ANXA13: variants seen among roughly 807,000 people sequenced by gnomAD.
ANXA13 encodes annexin A13.
A neutral mutation model predicts 46.6 loss-of-function variants in ANXA13; 36 were observed. The ratio of observed to expected loss-of-function variants is 0.77; its 90% CI spans 0.59 to 1.02. ANXA13 has a LOEUF of 1.02. ANXA13 is among the 50% of genes least tolerant of loss of function. The probability of loss-of-function intolerance (pLI) is 0.00; values close to 1 mark genes in which losing one functional copy is unlikely to be tolerated. For missense variants in ANXA13, 417 were observed against 396.5 expected (o/e 1.05, Z -0.44); for synonymous variants, 163 against 152.9 (o/e 1.07, Z -0.49).
chr8:123,704,101 G>T (rs926014470), intron 2 of ANXA13, among the ~76,000 whole-genome samples: 10 of 152,132 alleles, frequency 6.6e-5, no homozygotes, highest in African/African-American at 2.4e-4. Flanking sequence ...GTCCGCGGTG[G>T]TCCTAAGCAC....
Position 123,693,311 on chromosome 8 carries a change from A to C in ANXA13, c.541-13T>G, listed in dbSNP as rs754016591. The C allele has an allele frequency of 7.4e-6, 12 of 1,611,444 alleles. No individual in the cohort carries two copies. The African/African-American group carries it at 1.5e-4, about 20-fold the overall frequency. ...GGCCTTCCCCTGCCTCAAGGGTCAAATACAAACACTTTGAAAAAGGCTTTT... is the reference window on the plus strand; with the variant it reads ...GGCCTTCCCCTGCCTCAAGGGTCAACTACAAACACTTTGAAAAAGGCTTTT... On this transcript the variant is annotated splice_polypyrimidine_tract_variant and intron_variant, in intron 7 of 10. Coordinates refer to ENST00000419625, the MANE Select transcript of ANXA13 (RefSeq NM_004306.4).
At chr8:123,720,702 TAAG>T (rs1813850005) in intron 1 of ANXA13, among the ~76,000 whole-genome samples, 1 of 111,034 alleles carries the variant, frequency 9.0e-6, no homozygotes, top group Admixed American at 1.0e-4. Flanking sequence ...GTGTGTGAGT[TAAG>T]AACATTTAAC....
intron 10 of ANXA13, among the ~76,000 whole-genome samples, chr8:123,684,050 C>T (rs1003699406): frequency 1.3e-5 from 2 of 152,128 alleles, no homozygotes; most frequent in Non-Finnish European, 1.5e-5. Context: ...GGTATATAAA[C>T]AGATTTGTAG....
At chr8:123,719,324 T>G (rs2129915189) in intron 1 of ANXA13, among the ~76,000 whole-genome samples, 1 of 152,348 alleles carries the variant, frequency 6.6e-6, no homozygotes, top group Middle Eastern at 3.4e-3. Flanking sequence ...TCTTTCTCTT[T>G]CTCTTTTTCT....
intron 9 of ANXA13, among the ~76,000 whole-genome samples, chr8:123,686,450 A>G (rs1295375662): frequency 1.3e-5 from 2 of 148,922 alleles, no homozygotes; most frequent in African/African-American, 5.0e-5. Context: ...ACAGAGTGAA[A>G]CTGTGTCTTA....
chr8:123,684,549 A>T, intron 10 of ANXA13, 61 bp downstream of exon 10: 1 of 1,122,462 alleles, frequency 8.9e-7, no homozygotes, highest in East Asian at 2.3e-5. Flanking sequence ...TTTGTTGATG[A>T]CATCAGTGGT....
chr8:123,731,489 A>G (rs1393666975), intron 1 of ANXA13, among the ~76,000 whole-genome samples: 1 of 152,226 alleles, frequency 6.6e-6, no homozygotes, highest in Admixed American at 6.5e-5. Flanking sequence ...TGCTGCAGGC[A>G]TTGTGTTGGT....
At chr8:123,694,008 G>C (rs7840250) in intron 6 of ANXA13, among the ~76,000 whole-genome samples, 2,435 of 149,544 alleles carry the variant, frequency 0.016, 66 homozygotes, top group African/African-American at 0.056. Context: ...TTTTTTTGTA[G>C]AAACCAGAGT....
intron 6 of ANXA13, 76 bp downstream of exon 6, chr8:123,695,426 C>G (rs889990821): frequency 1.8e-6 from 2 of 1,131,338 alleles, no homozygotes; most frequent in Non-Finnish European, 1.3e-6. Context: ...CTACGTTACC[C>G]TTTTTCATCA....
chr8:123,706,042 G>A (rs532963894), intron 2 of ANXA13, among the ~76,000 whole-genome samples: 2 of 152,242 alleles, frequency 1.3e-5, no homozygotes, highest in South Asian at 4.2e-4. Context: ...CTACAGCTCT[G>A]GGAACATTTA....
In ANXA13 at chr8:123,720,657, C is replaced by T. The variant is rs1036386355; in HGVS notation, c.16-7904G>A. Among the ~76,000 whole-genome samples the T allele has an allele frequency of 3.5e-5, 5 of 141,436 alleles. No homozygotes were observed. The East Asian group carries it at 1.0e-3, about 30-fold the overall frequency. The allele number at this position is 141,436 out of a possible 152,430, so 92.8% of individuals were successfully genotyped here. ...CAGCTATGAACGTTTCCTGTGTCCC[C>T]GTGTGTGTGTGTGTGTGTGTGTGTG... On this transcript the variant is annotated intron_variant, in intron 1 of 10. Transcript: ENST00000419625.
rs972270318 is a variant in ANXA13 at position 123,693,756 on chromosome 8, G to A, written c.495C>T (p.Asp165=). ...LLQANRNEGD[D]VDKDLAGQDA... ...CCTGACCAGCTAGATCTTTGTCCAC[G>A]TCATCTCCTTCATTGCGATTAGCCT... Residue 165 remains aspartate (D), a synonymous_variant, in exon 7 of 11, where the codon GAC becomes GAT. Coordinates refer to ENST00000419625, the MANE Select transcript of ANXA13 (RefSeq NM_004306.4). The A allele has an allele frequency of 8.1e-6, 13 of 1,613,886 alleles. No homozygotes were observed. The highest frequency in any genetic ancestry group is 2.7e-5 in the African/African-American group (2 of 74,924).
chr8:123,681,744 C>A (rs1813044080), intron 10 of ANXA13, among the ~76,000 whole-genome samples: 1 of 151,816 alleles, frequency 6.6e-6, no homozygotes, highest in Non-Finnish European at 1.5e-5. Context: ...CTGCCTCAGC[C>A]CCCCAAGTAG....
chr8:123,721,500 G>A (rs1267644148), intron 1 of ANXA13, among the ~76,000 whole-genome samples: 5 of 152,210 alleles, frequency 3.3e-5, no homozygotes, highest in Non-Finnish European at 7.3e-5. Flanking sequence ...AACACGTGGT[G>A]AGTGCTGAGT....
At chr8:123,726,045 T>C (rs576014285) in intron 1 of ANXA13, among the ~76,000 whole-genome samples, 1 of 152,350 alleles carries the variant, frequency 6.6e-6, no homozygotes, top group African/African-American at 2.4e-5. Context: ...GAAATATTTG[T>C]ATCATTTAAC....
At chr8:123,728,892 A>T (rs760077157) in intron 1 of ANXA13, among the ~76,000 whole-genome samples, 1 of 152,028 alleles carries the variant, frequency 6.6e-6, no homozygotes, top group African/African-American at 2.4e-5. Context: ...TTTCATTCCT[A>T]CTACAACCAT....
chr8:123,695,382 G>A (rs1813310489), intron 6 of ANXA13, 120 bp downstream of exon 6: 3 of 769,108 alleles, frequency 3.9e-6, no homozygotes, highest in South Asian at 1.7e-5. Flanking sequence ...ATAATCCCTT[G>A]ATAATATTTT....
intron 9 of ANXA13, among the ~76,000 whole-genome samples, chr8:123,686,384 C>T (rs921579771): frequency 6.6e-5 from 10 of 151,236 alleles, no homozygotes; most frequent in Non-Finnish European, 8.8e-5. Flanking sequence ...CACTTGAACC[C>T]GGGAGGCAGA....
intron 1 of ANXA13, among the ~76,000 whole-genome samples, chr8:123,734,381 G>C (rs193182611): frequency 6.6e-6 from 1 of 152,098 alleles, no homozygotes; most frequent in Non-Finnish European, 1.5e-5. Flanking sequence ...CACTCTACCT[G>C]CAAAGCTCAC....
Sources: allele counts gnomAD v4.1 joint callset (sites outside exome capture counted in the v4.1 genomes callset), GRCh38; gene constraint gnomAD v4.1.1; transcripts MANE v1.5; gene names NCBI Gene and HGNC (gene_info 2026-07-23, HGNC 2026-07-21).